The following DCC variants were observed in gnomAD, a reference collection of about 807,000 sequenced individuals.
DCC encodes netrin receptor DCC.
A neutral mutation model predicts 172.5 loss-of-function variants in DCC; 58 were observed. The ratio of observed to expected loss-of-function variants is 0.34; its 90% confidence interval spans 0.27 to 0.42. The LOEUF (loss-of-function observed/expected upper bound fraction) is 0.42. DCC is among the 10% of genes least tolerant of loss of function. The probability of loss-of-function intolerance (pLI) is 1.00; values close to 1 mark genes in which losing one functional copy is unlikely to be tolerated. For synonymous variants in DCC, 709 were observed against 644.5 expected (o/e 1.10, Z -1.52); for missense variants, 1,740 against 1,791.0 (o/e 0.97, Z 0.51).
chr18:52,709,585 G>A (rs1252553222), intron 1 of DCC, among the ~76,000 whole-genome samples: 1 of 152,118 alleles, frequency 6.6e-6, no homozygotes, highest in East Asian at 1.9e-4. Flanking sequence ...AATTCCAGTG[G>A]TGGGGATCTT....
intron 7 of DCC, among the ~76,000 whole-genome samples, chr18:53,068,722 T>A (rs2042609309): frequency 1.3e-5 from 2 of 151,836 alleles, no homozygotes; most frequent in South Asian, 4.2e-4. Context: ...CATGGTATTT[T>A]CTCTCCTGTA....
At chr18:52,886,721 T>G (rs532735675) in intron 2 of DCC, among the ~76,000 whole-genome samples, 106 of 152,226 alleles carry the variant, frequency 7.0e-4, no homozygotes, top group Middle Eastern at 3.4e-3. Context: ...TCAGAGTCTC[T>G]TTAGCGATAT....
chr18:53,074,270 T>C (rs757305227), intron 7 of DCC, among the ~76,000 whole-genome samples: 3 of 152,322 alleles, frequency 2.0e-5, no homozygotes, highest in South Asian at 2.1e-4. Flanking sequence ...CATACTACAA[T>C]GTTAACCGAC....
intron 2 of DCC, among the ~76,000 whole-genome samples, chr18:52,794,501 A>G (rs1317205572): frequency 6.6e-6 from 1 of 152,020 alleles, no homozygotes; most frequent in Non-Finnish European, 1.5e-5. Flanking sequence ...TTTGTATATT[A>G]CAAGTTTACT....
At chr18:53,429,323 T>G (rs879259698) in intron 21 of DCC, among the ~76,000 whole-genome samples, 4 of 84,856 alleles carry the variant, frequency 4.7e-5, no homozygotes, top group Non-Finnish European at 1.3e-4. Context: ...CAGGCTAAGA[T>G]GTAAACCAAG....
chr18:53,302,573 C>G (rs764035284), intron 12 of DCC, among the ~76,000 whole-genome samples: 1 of 152,014 alleles, frequency 6.6e-6, no homozygotes, highest in East Asian at 1.9e-4. Flanking sequence ...TCAGACTGCA[C>G]TCTTTTCCTG....
At chr18:52,387,048 A>T (rs190900800) in intron 1 of DCC, among the ~76,000 whole-genome samples, 13 of 152,254 alleles carry the variant, frequency 8.5e-5, no homozygotes, top group Admixed American at 7.8e-4. Flanking sequence ...GTTTTATTTC[A>T]TCAGTAGCAA....
At chr18:52,718,254 T>A (rs1421655940) in intron 1 of DCC, among the ~76,000 whole-genome samples, 1 of 152,236 alleles carries the variant, frequency 6.6e-6, no homozygotes, top group Non-Finnish European at 1.5e-5. Flanking sequence ...TTGATTTAAT[T>A]TGACTGGGGT....
chr18:52,611,588 G>T (rs1187158564), intron 1 of DCC, among the ~76,000 whole-genome samples: 1 of 152,152 alleles, frequency 6.6e-6, no homozygotes, highest in Non-Finnish European at 1.5e-5. Flanking sequence ...AGATCTTCAT[G>T]TTGGGTGTCT....
rs1342564159 is a variant in DCC, at chr18:52,340,695, C to A, written c.-93C>A. ...AGGAGGAAGCCGAAGGGGCTCGGCG[C>A]GTGTGTGTGCATGTGTGCATGCGTG... On this transcript the variant is annotated 5_prime_UTR_variant, in exon 1 of 29. Transcript: ENST00000442544. 39 of 897,728 alleles carry A rather than the reference C, an allele frequency of 4.3e-5. No individual in the cohort carries two copies. The highest frequency in any genetic ancestry group is 6.8e-5 in the Non-Finnish European group (36 of 527,884). The allele number at this position is 897,728 out of a possible 1,614,324, so 55.6% of individuals were successfully genotyped here. A position where few individuals can be genotyped will look rare whatever the true frequency, so the allele number is the denominator to read the frequency against.
At chr18:52,353,277 A>G (rs1191463226) in intron 1 of DCC, among the ~76,000 whole-genome samples, 1 of 65,364 alleles carries the variant, frequency 1.5e-5, no homozygotes, top group Non-Finnish European at 3.1e-5. Context: ...TTTCTCATCA[A>G]TACTCATATA....
chr18:53,069,812 C>A (rs923304884), intron 7 of DCC, among the ~76,000 whole-genome samples: 7 of 149,188 alleles, frequency 4.7e-5, no homozygotes, highest in Non-Finnish European at 9.0e-5. Context: ...CCTACTGCCC[C>A]CTTCCCTATT....
Position 53,178,219 on chromosome 18 carries a change from C to T in DCC, c.1419-743C>T, listed in dbSNP as rs139043584. Among the ~76,000 whole-genome samples, 1,340 of 152,310 alleles carry T rather than the reference C, an allele frequency of 8.8e-3. 21 individuals are homozygous for T. The highest frequency in any genetic ancestry group is 0.031 in the African/African-American group (1,293 of 41,564). On this transcript the variant is annotated intron_variant, in intron 8 of 28. Transcript: ENST00000442544. ...ATAGTTACCATTTCTAAAATGTCAG[C>T]ATCCATATCCAAACGGTTTGTCATC...
chr18:52,846,262 C>T (rs1568141732), intron 2 of DCC, among the ~76,000 whole-genome samples: 1 of 152,070 alleles, frequency 6.6e-6, no homozygotes, highest in African/African-American at 2.4e-5. Flanking sequence ...TCAGCTTCAG[C>T]CAGGCATGGT....
rs548587102 is a variant in DCC, at chr18:52,352,057, C to T, written c.91+11179C>T. On this transcript the variant is annotated intron_variant, in intron 1 of 28. Transcript: ENST00000442544. ...GGGTTTGATTGAGATCCTTAAACCA[C>T]TGGACCTCAACTTTCCCACCTATAA... is the stretch of plus-strand genomic sequence containing the variant. Among the ~76,000 whole-genome samples the T allele has an allele frequency of 7.2e-5, 11 of 152,306 alleles. No homozygotes were observed. The East Asian group carries it at 2.1e-3, about 29-fold the overall frequency.
intron 12 of DCC, among the ~76,000 whole-genome samples, chr18:53,220,975 A>C (rs2055923846): frequency 6.6e-6 from 1 of 152,044 alleles, no homozygotes. Flanking sequence ...GATATAAATG[A>C]TTATATTACA....
chr18:53,005,691 G>A (rs1275216800), intron 5 of DCC, among the ~76,000 whole-genome samples: 1 of 152,178 alleles, frequency 6.6e-6, no homozygotes, highest in Admixed American at 6.5e-5. Flanking sequence ...TCATGCCACT[G>A]CACTCCAGCC....
chr18:53,521,729 A>G (rs2046401268), intron 27 of DCC, among the ~76,000 whole-genome samples: 1 of 152,164 alleles, frequency 6.6e-6, no homozygotes, highest in Admixed American at 6.6e-5. Context: ...GTTTGGTTAC[A>G]TATTAAATTG....
intron 21 of DCC, among the ~76,000 whole-genome samples, chr18:53,433,555 A>T (rs956993279): frequency 8.5e-5 from 13 of 152,180 alleles, no homozygotes; most frequent in African/African-American, 2.7e-4. Flanking sequence ...TAGAAAAGTC[A>T]TCTTAATATT....
Sources: allele counts gnomAD v4.1 joint callset (sites outside exome capture counted in the v4.1 genomes callset), GRCh38; gene constraint gnomAD v4.1.1; transcripts MANE v1.5; gene names NCBI Gene and HGNC (gene_info 2026-07-23, HGNC 2026-07-21).